MALRD1: variants seen among roughly 807,000 people sequenced by gnomAD.
MALRD1 encodes the protein MAM and LDL receptor class A domain containing 1.
MALRD1 carries 247 observed loss-of-function variants against 242.1 expected under a neutral mutation model. The observed-to-expected ratio is 1.02, with a 90% confidence interval of 0.92 to 1.13. The LOEUF is 1.13. Among genes scored for constraint, MALRD1 ranks in the 50% most tolerant of loss-of-function variants. The pLI is 0.00. For synonymous variants in MALRD1, 995 were observed against 866.6 expected (o/e 1.15, Z -2.60); for missense variants, 2,989 against 2,533.1 (o/e 1.18, Z -3.86).
rs543299140 is a variant in MALRD1, at chr10:19,272,660, T to G, written c.3080-7387T>G. ...TTAAGCCGTGCATGCATTAGGTATT[T>G]GTCCTAATGCTATCCCTCCCCTTGC... On this transcript the variant is annotated intron_variant, in intron 19 of 39. Transcript: ENST00000454679. Among the ~76,000 whole-genome samples, 3 of 152,284 alleles carry G rather than the reference T, an allele frequency of 2.0e-5. No individual in the cohort carries two copies. In the South Asian group the frequency reaches 6.2e-4, roughly 32 times the overall value.
intron 21 of MALRD1, among the ~76,000 whole-genome samples, chr10:19,291,212 C>G (rs1198414154): frequency 1.3e-5 from 2 of 152,102 alleles, no homozygotes; most frequent in African/African-American, 4.8e-5. Context: ...ACACTTCATT[C>G]ATGTGAAATG....
At chr10:19,463,783 A>G (rs1836071800) in intron 29 of MALRD1, among the ~76,000 whole-genome samples, 1 of 152,074 alleles carries the variant, frequency 6.6e-6, no homozygotes, top group Non-Finnish European at 1.5e-5. Context: ...TTCTTTAAGG[A>G]CTATTCACAC....
intron 29 of MALRD1, among the ~76,000 whole-genome samples, chr10:19,470,754 C>T (rs1836450768): frequency 7.1e-6 from 1 of 140,318 alleles, no homozygotes; most frequent in Non-Finnish European, 1.5e-5. Context: ...CATTCAGGGT[C>T]TTTGGCAATT....
intron 33 of MALRD1, among the ~76,000 whole-genome samples, chr10:19,579,229 G>A (rs181996539): frequency 1.3e-5 from 2 of 152,222 alleles, no homozygotes; most frequent in East Asian, 1.9e-4. Flanking sequence ...GCACCTGGAA[G>A]GTCTCTAATA....
intron 28 of MALRD1, among the ~76,000 whole-genome samples, chr10:19,447,045 C>T (rs1197689864): frequency 4.0e-5 from 4 of 99,132 alleles, no homozygotes; most frequent in Non-Finnish European, 8.2e-5. Context: ...GTTAGGAACA[C>T]ACACACACAC....
At chr10:19,350,829 G>A (rs1006721068) in intron 25 of MALRD1, among the ~76,000 whole-genome samples, 2 of 152,178 alleles carry the variant, frequency 1.3e-5, no homozygotes, top group South Asian at 2.1e-4. Flanking sequence ...TTGCAGAAGT[G>A]TGCCACAGAG....
chr10:19,259,736 G>C lies in MALRD1; in HGVS notation c.3079+1965G>C, dbSNP rs112618728. 2.2e-3 allele frequency among the ~76,000 whole-genome samples: 329 copies of C among 152,150 alleles called. 2 individuals are homozygous for C. Among genetic ancestry groups the C allele is most frequent in the Non-Finnish European group, 3.9e-3 (263 of 67,990 alleles). The stretch of plus-strand genomic sequence containing the variant: ...CTGCTTTCCCCTGTTCCTGGAACAG[G>C]TTTCCCACAGATGTCTATCTGACTC... On this transcript the variant is annotated intron_variant, in intron 19 of 39. Transcript: ENST00000454679.
rs892845010 is a variant in MALRD1, at chr10:19,331,481, A to G, written c.3800A>G (p.His1267Arg). ...AGCCCAGAGAGAAAGTGTACTGATC[A>G]TGAATTCATGTGTGCTAATAAGCAC... ...LLSPERKCTD[H>R]EFMCANKHCI... is the part of the protein sequence containing the mutation. The change falls in exon 24 of 40, where the codon CAT becomes CGT. Residue 1267 changes from histidine to arginine, a missense_variant. Transcript: ENST00000454679. 17 of 1,550,278 alleles carry G rather than the reference A, an allele frequency of 1.1e-5. No homozygotes were observed. The highest frequency in any genetic ancestry group is 4.1e-5 in the African/African-American group (3 of 73,026).
chr10:19,647,246 A>C (rs1040035426), intron 36 of MALRD1, among the ~76,000 whole-genome samples: 6 of 152,208 alleles, frequency 3.9e-5, no homozygotes, highest in Non-Finnish European at 7.3e-5. Flanking sequence ...ATGTATCTTT[A>C]GATAGCAATG....
At chr10:19,436,403 T>C (rs549649904) in intron 28 of MALRD1, among the ~76,000 whole-genome samples, 3 of 152,196 alleles carry the variant, frequency 2.0e-5, no homozygotes, top group Non-Finnish European at 4.4e-5. Flanking sequence ...TCCAGTCTTC[T>C]CCATTAGCTT....
intron 29 of MALRD1, among the ~76,000 whole-genome samples, chr10:19,456,255 A>AG (rs1235797272): frequency 6.6e-6 from 1 of 152,184 alleles, no homozygotes; most frequent in East Asian, 1.9e-4. Context: ...AAATAAAAGA[A>AG]GCTGGCATTT....
chr10:19,451,196 A>G (rs1013064480), intron 29 of MALRD1, among the ~76,000 whole-genome samples: 5 of 152,188 alleles, frequency 3.3e-5, no homozygotes, highest in Admixed American at 2.6e-4. Flanking sequence ...CCTAATTTAA[A>G]CTAATTATAA....
At chr10:19,425,105 A>G (rs909086105) in intron 28 of MALRD1, among the ~76,000 whole-genome samples, 1 of 152,076 alleles carries the variant, frequency 6.6e-6, no homozygotes, top group Non-Finnish European at 1.5e-5. Flanking sequence ...CTTGGGGGCC[A>G]TTTTTTCTCT....
intron 17 of MALRD1, among the ~76,000 whole-genome samples, chr10:19,208,244 G>A (rs1836873812): frequency 1.3e-5 from 2 of 152,118 alleles, no homozygotes; most frequent in East Asian, 1.9e-4. Flanking sequence ...ACAATCCAGT[G>A]AGAAGAAAAG....
intron 28 of MALRD1, among the ~76,000 whole-genome samples, chr10:19,413,497 G>T (rs1833365054): frequency 6.7e-6 from 1 of 150,164 alleles, no homozygotes. Flanking sequence ...TTTATGCTTT[G>T]AAAACTATGT....
At chr10:19,243,207 C>CG (rs1487286304) in intron 18 of MALRD1, among the ~76,000 whole-genome samples, 1 of 151,302 alleles carries the variant, frequency 6.6e-6, no homozygotes, top group African/African-American at 2.4e-5. Context: ...TTGACTTCTC[C>CG]CCCGCCACAC....
At chr10:19,050,774 C>T (rs1313939883) in intron 1 of MALRD1, among the ~76,000 whole-genome samples, 1 of 152,308 alleles carries the variant, frequency 6.6e-6, no homozygotes. Flanking sequence ...CAAAGAGGAA[C>T]GACTTGGCTG....
At chr10:19,519,145 T>A (rs979791318) in intron 31 of MALRD1, among the ~76,000 whole-genome samples, 3 of 152,176 alleles carry the variant, frequency 2.0e-5, no homozygotes, top group Non-Finnish European at 2.9e-5. Context: ...ATTGTCAAAA[T>A]TTTTCATCAG....
At chr10:19,248,927 TTATA>T (rs1286255803) in intron 18 of MALRD1, among the ~76,000 whole-genome samples, 3 of 147,276 alleles carry the variant, frequency 2.0e-5, no homozygotes, top group Non-Finnish European at 4.5e-5. Flanking sequence ...ATGTTTTAAT[TTATA>T]TTATATATTT....
Sources: allele counts gnomAD v4.1 joint callset (sites outside exome capture counted in the v4.1 genomes callset), GRCh38; gene constraint gnomAD v4.1.1; transcripts MANE v1.5; gene names NCBI Gene and HGNC (gene_info 2026-07-23, HGNC 2026-07-21).